Variants in KALRN observed in about 807,000 individuals in gnomAD.
KALRN encodes the protein kalirin RhoGEF kinase.
In KALRN, 70 loss-of-function variants were observed where a neutral mutation model predicts 353.7. The observed-to-expected ratio is 0.20, with a 90% CI of 0.16 to 0.24. The LOEUF (loss-of-function observed/expected upper bound fraction) is 0.24, where lower values mean the gene tolerates loss of function less well. Ranked by LOEUF, KALRN falls within the 10% of genes least tolerant of loss-of-function variation. The pLI is 1.00. For missense variants in KALRN, 2,791 were observed against 3,756.7 expected, an observed-to-expected ratio of 0.74 and a Z score of 6.72; for synonymous variants, 1,391 against 1,434.8, an observed-to-expected ratio of 0.97 and a Z score of 0.69.
intron 34 of KALRN, among the ~76,000 whole-genome samples, chr3:124,582,335 G>C (rs937487001): frequency 1.3e-5 from 2 of 152,108 alleles, no homozygotes; most frequent in African/African-American, 4.8e-5. Context: ...TGAGCAATTT[G>C]AACTGTAATT....
intron 1 of KALRN, among the ~76,000 whole-genome samples, chr3:124,113,831 C>G (rs770275959): frequency 2.6e-5 from 4 of 152,224 alleles, no homozygotes; most frequent in Non-Finnish European, 4.4e-5. Context: ...AATACATGAA[C>G]TGGCAGGCAT....
At chr3:124,584,578 C>T in intron 34 of KALRN, 1 of 1,346,480 alleles carries the variant, frequency 7.4e-7, no homozygotes, top group Non-Finnish European at 9.6e-7. Flanking sequence ...GGCCAGGTCT[C>T]CTGCCCACAG....
In KALRN at chr3:124,679,393, A is replaced by G. The variant is rs1021960724; in HGVS notation, c.7318-65A>G. The G allele has an allele frequency of 4.2e-6, 6 of 1,416,608 alleles. No individual in the cohort carries two copies. The African/African-American group carries it at 7.0e-5, about 17-fold the overall frequency. 87.8% of individuals were successfully genotyped at this position (1,416,608 alleles called of 1,614,324 possible). A position where few individuals can be genotyped will look rare whatever the true frequency, so the allele number is the denominator to read the frequency against. The stretch of plus-strand genomic sequence containing the variant: ...TTCTCTGAAGTTCTCCTCTCTCTCT[A>G]GCAAAAGCTACTTGTGTTCTAACTG... On this transcript the variant is annotated intron_variant, in intron 50 of 59. Coordinates refer to ENST00000682506, the MANE Select transcript of KALRN (RefSeq NM_001388419.1).
intron 57 of KALRN, among the ~76,000 whole-genome samples, chr3:124,708,879 A>T (rs2062761834): frequency 1.3e-5 from 2 of 152,198 alleles, no homozygotes; most frequent in African/African-American, 4.8e-5. Flanking sequence ...GAAACAAGAG[A>T]AAAAAACAAC....
In KALRN at chr3:124,717,200, T is replaced by C. The variant is rs761802562; in HGVS notation, c.8277-47T>C. ...TTTGTACATGTGTTATTTTTCTATT[T>C]CTTCATTTCAAACATATTTCCTTTG... On this transcript the variant is annotated intron_variant, in intron 58 of 59. Transcript: ENST00000682506. 3 of 1,525,524 alleles carry C rather than the reference T, an allele frequency of 2.0e-6. No homozygotes were observed. In the South Asian group the frequency reaches 3.9e-5, roughly 20 times the overall value. The allele number at this position is 1,525,524 out of a possible 1,614,324, so 94.5% of individuals were successfully genotyped here.
At chr3:124,298,075 G>C (rs1204525071) in intron 5 of KALRN, among the ~76,000 whole-genome samples, 1 of 152,162 alleles carries the variant, frequency 6.6e-6, no homozygotes, top group African/African-American at 2.4e-5. Context: ...CTTAGGTCTG[G>C]TGTCCCAAAA....
chr3:124,046,361 G>A (rs577183817), intron 1 of KALRN, among the ~76,000 whole-genome samples: 11 of 152,256 alleles, frequency 7.2e-5, no homozygotes, highest in African/African-American at 2.4e-4. Context: ...TTCTTCTATG[G>A]CTATGAGGAA....
At chr3:124,639,052 C>G (rs935417652) in intron 37 of KALRN, among the ~76,000 whole-genome samples, 2 of 152,196 alleles carry the variant, frequency 1.3e-5, no homozygotes, top group African/African-American at 4.8e-5. Flanking sequence ...ACCTACCTTT[C>G]CACCATCTAG....
At chr3:124,533,488 C>T (rs1383959315) in intron 33 of KALRN, among the ~76,000 whole-genome samples, 2 of 151,834 alleles carry the variant, frequency 1.3e-5, no homozygotes, top group South Asian at 4.2e-4. Context: ...CTAAAAAATA[C>T]AAAAAAATTA....
chr3:124,599,677 T>C (rs1467446092), intron 34 of KALRN, among the ~76,000 whole-genome samples: 1 of 152,232 alleles, frequency 6.6e-6, no homozygotes, highest in Admixed American at 6.5e-5. Flanking sequence ...TCTTTTCCAA[T>C]TCCCATTCCA....
chr3:124,266,291 T>C (rs934108130), intron 4 of KALRN, among the ~76,000 whole-genome samples: 1 of 152,226 alleles, frequency 6.6e-6, no homozygotes, highest in South Asian at 2.1e-4. Context: ...AGTGCATGTA[T>C]GGAGAAGAAA....
intron 1 of KALRN, among the ~76,000 whole-genome samples, chr3:124,180,076 C>T (rs1185540283): frequency 6.6e-6 from 1 of 151,598 alleles, no homozygotes; most frequent in Non-Finnish European, 1.5e-5. Context: ...CAATGCTGAG[C>T]TTGAGCCTGG....
intron 2 of KALRN, among the ~76,000 whole-genome samples, chr3:124,230,559 A>G (rs1438802676): frequency 6.6e-6 from 1 of 152,152 alleles, no homozygotes; most frequent in Non-Finnish European, 1.5e-5. Flanking sequence ...GTCCTAATGG[A>G]GCTCATAGAA....
chr3:124,495,965 G>GTATCTATA (rs2063707218), intron 32 of KALRN, among the ~76,000 whole-genome samples: 1 of 41,478 alleles, frequency 2.4e-5, no homozygotes, highest in Non-Finnish European at 3.9e-5. Context: ...GTGTATGTAT[G>GTATCTATA]TATATATATA....
chr3:124,501,035 A>T (rs1822996), intron 33 of KALRN, among the ~76,000 whole-genome samples: 1 of 152,136 alleles, frequency 6.6e-6, no homozygotes, highest in Non-Finnish European at 1.5e-5. Context: ...GTTCCAGTGC[A>T]TGTATTTGCC....
chr3:124,075,410 G>T (rs2060214184), intron 1 of KALRN, among the ~76,000 whole-genome samples: 1 of 152,206 alleles, frequency 6.6e-6, no homozygotes, highest in African/African-American at 2.4e-5. Context: ...TCATTCTTGA[G>T]GACACCACTT....
rs576211491 is a variant in KALRN at position 124,467,106 on chromosome 3, C to A, written c.4031+4473C>A. ...ATTTGGCCTTGGCCACCAGCCACTGCCCTCCCAACCTGGTGTTCCCTGCTC... is the reference window on the plus strand; with the variant it reads ...ATTTGGCCTTGGCCACCAGCCACTGACCTCCCAACCTGGTGTTCCCTGCTC... On this transcript the variant is annotated intron_variant, in intron 25 of 59. Coordinates refer to ENST00000682506, the MANE Select transcript of KALRN (RefSeq NM_001388419.1). Among the ~76,000 whole-genome samples, 8 of 152,342 alleles carry A rather than the reference C, an allele frequency of 5.3e-5. No homozygotes were observed. The East Asian group carries it at 9.7e-4, about 18-fold the overall frequency.
chr3:124,596,435 C>G (rs899917590), intron 34 of KALRN, among the ~76,000 whole-genome samples: 1 of 152,046 alleles, frequency 6.6e-6, no homozygotes. Flanking sequence ...CCATTGCACT[C>G]CATCCTGGGG....
chr3:124,642,100 G>A (rs895337828), intron 37 of KALRN, among the ~76,000 whole-genome samples: 3 of 152,090 alleles, frequency 2.0e-5, no homozygotes, highest in Admixed American at 1.3e-4. Flanking sequence ...TAGGCAACAC[G>A]GTGAAACCCC....
Sources: gnomAD v4.1 joint callset for allele counts (sites outside exome capture counted in the v4.1 genomes callset) on GRCh38, gnomAD v4.1.1 for gene constraint, MANE v1.5 for transcripts, NCBI Gene and HGNC (gene_info 2026-07-23, HGNC 2026-07-21) for gene names.